The following ARHGEF3 variants were observed in gnomAD, a reference collection of about 807,000 sequenced individuals.
The protein encoded by ARHGEF3 is Rho guanine nucleotide exchange factor 3.
ARHGEF3 carries 28 observed loss-of-function variants against 63.2 expected under a neutral mutation model. The observed-to-expected ratio is 0.44, with a 90% CI of 0.33 to 0.61. ARHGEF3 has a LOEUF of 0.61. Ranked by LOEUF, ARHGEF3 falls within the 20% of genes least tolerant of loss-of-function variation. The probability of loss-of-function intolerance (pLI) is 0.03; values close to 1 mark genes in which losing one functional copy is unlikely to be tolerated. For synonymous variants in ARHGEF3, 266 were observed against 254.2 expected (o/e 1.05, Z -0.44); for missense variants, 533 against 659.3 (o/e 0.81, Z 2.10).
intron 1 of ARHGEF3, among the ~76,000 whole-genome samples, chr3:56,780,832 T>C (rs2036529254): frequency 6.6e-6 from 1 of 152,242 alleles, no homozygotes; most frequent in African/African-American, 2.4e-5. Context: ...TGGTACACCA[T>C]GTTGCTAAGT....
intron 2 of ARHGEF3, among the ~76,000 whole-genome samples, chr3:56,771,397 C>A (rs947926944): frequency 3.3e-5 from 5 of 152,190 alleles, no homozygotes; most frequent in Non-Finnish European, 7.3e-5. Context: ...GGTATGGTAA[C>A]AGATCTTAAA....
chr3:56,813,323 T>C (rs1296538918), intron 4 of ARHGEF3, among the ~76,000 whole-genome samples: 1 of 152,240 alleles, frequency 6.6e-6, no homozygotes, highest in Admixed American at 6.5e-5. Flanking sequence ...ATTTGATCTG[T>C]ATTTTCTTTG....
intron 3 of ARHGEF3, among the ~76,000 whole-genome samples, chr3:56,932,278 G>A (rs1307824472): frequency 6.6e-6 from 1 of 151,894 alleles, no homozygotes; most frequent in Non-Finnish European, 1.5e-5. Flanking sequence ...AGAAACGTAC[G>A]AAAGTCAAAA....
intron 4 of ARHGEF3, among the ~76,000 whole-genome samples, chr3:56,815,462 T>A (rs1233340582): frequency 6.6e-6 from 1 of 152,220 alleles, no homozygotes. Context: ...ACATTTTGGG[T>A]TGGTTCAGCA....
At chr3:56,992,033 T>A in intron 2 of ARHGEF3, among the ~76,000 whole-genome samples, 1 of 141,884 alleles carries the variant, frequency 7.0e-6, no homozygotes, top group Non-Finnish European at 1.5e-5. Context: ...TCTGTGTGTG[T>A]GTGTGTGTGT....
chr3:56,863,835 AT>A (rs2040157901), intron 4 of ARHGEF3, among the ~76,000 whole-genome samples: 1 of 152,164 alleles, frequency 6.6e-6, no homozygotes, highest in Non-Finnish European at 1.5e-5. Flanking sequence ...CATCTATATT[AT>A]TTTATATTTG....
chr3:56,742,251 G>A (rs1310377405), intron 7 of ARHGEF3, among the ~76,000 whole-genome samples: 1 of 151,834 alleles, frequency 6.6e-6, no homozygotes, highest in Non-Finnish European at 1.5e-5. Context: ...TTTTCTGGCC[G>A]AAAAATTCTT....
intron 1 of ARHGEF3, among the ~76,000 whole-genome samples, chr3:57,035,523 AT>A: frequency 6.6e-6 from 1 of 152,226 alleles, no homozygotes; most frequent in South Asian, 2.1e-4. Context: ...TAATTTTTGT[AT>A]TTTTAGTAAA....
At chr3:56,738,704 T>C (rs539066408) in intron 7 of ARHGEF3, among the ~76,000 whole-genome samples, 1 of 152,306 alleles carries the variant, frequency 6.6e-6, no homozygotes, top group East Asian at 1.9e-4. Context: ...AGTGGATATT[T>C]ATTCTGATGT....
At chr3:57,028,256 A>C (rs7627547) in intron 2 of ARHGEF3, among the ~76,000 whole-genome samples, 1 of 101,510 alleles carries the variant, frequency 9.9e-6, no homozygotes, top group Non-Finnish European at 2.0e-5. Flanking sequence ...TGTTTATTGC[A>C]GCATTATTCA....
chr3:56,736,930 TA>T (rs1456748949), intron 8 of ARHGEF3, among the ~76,000 whole-genome samples: 1 of 151,852 alleles, frequency 6.6e-6, no homozygotes, highest in East Asian at 1.9e-4. Flanking sequence ...CTGTCTCTAC[TA>T]AAAAAATACA....
At chr3:56,970,803 C>T (rs751106100) in intron 2 of ARHGEF3, among the ~76,000 whole-genome samples, 2 of 152,226 alleles carry the variant, frequency 1.3e-5, no homozygotes, top group Non-Finnish European at 2.9e-5. Flanking sequence ...GGGGCGGCTT[C>T]GCCCAGTAGT....
At chr3:56,927,600 G>C (rs953373460) in intron 3 of ARHGEF3, among the ~76,000 whole-genome samples, 2 of 152,086 alleles carry the variant, frequency 1.3e-5, no homozygotes, top group African/African-American at 4.8e-5. Context: ...CTGAGGAGGG[G>C]AGCCCCAGGA....
chr3:57,047,292 A>G (rs1015603688), intron 1 of ARHGEF3, among the ~76,000 whole-genome samples: 2 of 152,224 alleles, frequency 1.3e-5, no homozygotes, highest in African/African-American at 4.8e-5. Context: ...GGCTGCAGTG[A>G]GCCGAGATTT....
At chr3:56,909,552 G>A (rs1168818353) in intron 3 of ARHGEF3, among the ~76,000 whole-genome samples, 1 of 152,204 alleles carries the variant, frequency 6.6e-6, no homozygotes, top group Non-Finnish European at 1.5e-5. Flanking sequence ...ACCCGAGCTT[G>A]CTGTATCTGC....
At chr3:56,763,731 T>G (rs1339090448) in intron 2 of ARHGEF3, among the ~76,000 whole-genome samples, 1 of 152,080 alleles carries the variant, frequency 6.6e-6, no homozygotes, top group Non-Finnish European at 1.5e-5. Context: ...ATTTTTAATT[T>G]TTTGATTTTA....
intron 4 of ARHGEF3, among the ~76,000 whole-genome samples, chr3:56,869,541 G>C (rs556312818): frequency 6.6e-6 from 1 of 152,292 alleles, no homozygotes; most frequent in South Asian, 2.1e-4. Context: ...AAAATTCTAT[G>C]CATGGTAAGA....
In ARHGEF3 at chr3:56,737,198, T is replaced by C. The variant is rs1473660712; in HGVS notation, c.1028A>G (p.Asn343Ser). The change falls in exon 8 of 10, where the codon AAC becomes AGC. Residue 343 changes from asparagine (N) to serine (S), a missense_variant. Around this residue, in one of 4 missense-constraint regions of ARHGEF3, gnomAD observed 151 missense variants for 190.7 expected, o/e 0.79. Coordinates refer to ENST00000296315, the MANE Select transcript of ARHGEF3 (RefSeq NM_019555.3). ...GTAACTACTTACCACGCCCCGATTG[T>C]TCTTCAGTTCACCATGACAACACAA... ...RVLCCHGELKNNRGVKLHVFL... is the reference protein window; with the variant it reads ...RVLCCHGELKSNRGVKLHVFL... 10 of 1,613,808 alleles carry C rather than the reference T, an allele frequency of 6.2e-6. No homozygotes were observed. Among genetic ancestry groups the C allele is most frequent in the Non-Finnish European group, 8.5e-6 (10 of 1,179,802 alleles).
intron 2 of ARHGEF3, among the ~76,000 whole-genome samples, chr3:56,979,063 G>T (rs943056386): frequency 6.6e-6 from 1 of 152,214 alleles, no homozygotes; most frequent in African/African-American, 2.4e-5. Context: ...GACTGAGGTG[G>T]GAGGATGGCT....
Sources: allele counts gnomAD v4.1 joint callset (sites outside exome capture counted in the v4.1 genomes callset), GRCh38; gene constraint gnomAD v4.1.1; regional missense constraint gnomAD v4.1.1; transcripts MANE v1.5; gene names NCBI Gene and HGNC (gene_info 2026-07-23, HGNC 2026-07-21).